SCLY: variants seen among roughly 807,000 people sequenced by gnomAD.
SCLY encodes putative selenocysteine lyase.
SCLY carries 38 observed loss-of-function variants against 50.1 expected under a neutral mutation model. The ratio of observed to expected loss-of-function variants is 0.76; its 90% confidence interval spans 0.59 to 0.99. The LOEUF (loss-of-function observed/expected upper bound fraction) is 0.99, where lower values mean the gene tolerates loss of function less well. Ranked by LOEUF, SCLY falls within the 50% of genes least tolerant of loss-of-function variation. The pLI is 0.00. For missense variants in SCLY, 600 were observed against 620.0 expected (o/e 0.97, Z 0.34); for synonymous variants, 243 against 249.4 (o/e 0.97, Z 0.24).
Position 238,098,619 on chromosome 2 carries a change from G to GGGACCGCCCGCATA in SCLY, c.*273_*274insGCATAGGACCGCCC, listed in dbSNP as rs1691328550. The GGGACCGCCCGCATA allele has an allele frequency of 2.9e-5, 6 of 208,792 alleles. 1 individual carries two copies. The highest frequency in any genetic ancestry group is 1.1e-3 in the Middle Eastern group (1 of 874). The allele number at this position is 208,792 out of a possible 1,614,324, so 12.9% of individuals were successfully genotyped here. ...ACCGCCCACATAGGACCGCCCACAT[G>GGGACCGCCCGCATA]GGACCGCCCACATGGGACCGCCCAC... On this transcript the variant is annotated 3_prime_UTR_variant, in exon 12 of 12. Transcript: ENST00000254663.
chr2:238,068,109 G>A lies in SCLY; in HGVS notation c.247G>A (p.Ala83Thr), dbSNP rs1476632784. Residue 83 changes from alanine to threonine, a missense_variant, in exon 3 of 12, where the codon GCG (alanine) becomes ACG (threonine). Physicochemically the swap from Ala to Thr is moderately conservative, Grantham distance 58 (BLOSUM62 0). Coordinates refer to ENST00000254663, the MANE Select transcript of SCLY (RefSeq NM_016510.7). ...TATAAATGCAGCTCGGGAAAGCCTCGCGAAGATGATAGGGGGGAAACCTCA... is the reference window on the plus strand; with the variant it reads ...TATAAATGCAGCTCGGGAAAGCCTCACGAAGATGATAGGGGGGAAACCTCA... Reference protein sequence around the residue: ...DIINAARESLAKMIGGKPQDI... With the variant: ...DIINAARESLTKMIGGKPQDI... 22 of 1,612,112 alleles carry A rather than the reference G, an allele frequency of 1.4e-5. No individual in the cohort carries two copies. The highest frequency in any genetic ancestry group is 4.5e-5 in the East Asian group (2 of 44,778).
chr2:238,091,553 T>TAG, intron 8 of SCLY: 21 of 338,878 alleles, frequency 6.2e-5, no homozygotes, highest in Middle Eastern at 9.0e-4. Flanking sequence ...GGTTCACCAT[T>TAG]CCCAAAGGCG....
At chr2:238,079,656 T>A (rs1347695323) in intron 4 of SCLY, 1 of 152,176 alleles carries the variant, frequency 6.6e-6, no homozygotes, top group Non-Finnish European at 1.5e-5. Flanking sequence ...TACACTGCCC[T>A]TTTTTTCCTT....
At chr2:238,061,422 A>G (rs763171323) in intron 1 of SCLY, 8 of 605,836 alleles carry the variant, frequency 1.3e-5, no homozygotes, top group African/African-American at 3.8e-5. Context: ...AGAGCCTGCC[A>G]GGAAGAGGGC....
chr2:238,093,953 A>G lies in SCLY; in HGVS notation c.1005+9A>G. The G allele has an allele frequency of 1.9e-6, 3 of 1,611,670 alleles. No individual in the cohort carries two copies. Among genetic ancestry groups the G allele is most frequent in the Non-Finnish European group, 2.5e-6 (3 of 1,178,976 alleles). On this transcript the variant is annotated intron_variant, in intron 9 of 11. Transcript: ENST00000254663. ...TGGAAGAGAGGCTGGAAGTGAGCGCAGCGTGGGGTGGGCACCAGGAGGGGG... is the reference window on the plus strand; with the variant it reads ...TGGAAGAGAGGCTGGAAGTGAGCGCGGCGTGGGGTGGGCACCAGGAGGGGG...
In SCLY at chr2:238,081,725, G is replaced by A. The variant is rs370503112; in HGVS notation, c.501G>A (p.Pro167=). The A allele has an allele frequency of 7.4e-6, 12 of 1,613,990 alleles. No individual in the cohort carries two copies. Among genetic ancestry groups the A allele is most frequent in the East Asian group, 4.5e-5 (2 of 44,894 alleles). Residue 167 remains proline, a synonymous_variant, in exon 5 of 12, where the codon CCG becomes CCA. Transcript: ENST00000254663. ...EEQVAAVTFV[P]VSKVSGQAEV... The stretch of plus-strand genomic sequence containing the variant: ...GTTTCCCAGCGGTCACCTTTGTCCC[G>A]GTGTCCAAGGTGAGCGGGCAGGCAG...
chr2:238,068,872 GA>G (rs1256162533), intron 3 of SCLY, among the ~76,000 whole-genome samples: 2 of 152,172 alleles, frequency 1.3e-5, no homozygotes, highest in Non-Finnish European at 2.9e-5. Flanking sequence ...CCAAGAACTA[GA>G]ATTGCTGGGT....
chr2:238,076,661 A>G (rs2065177528), intron 4 of SCLY, among the ~76,000 whole-genome samples: 1 of 151,002 alleles, frequency 6.6e-6, no homozygotes, highest in Non-Finnish European at 1.5e-5. Context: ...CTATTGTCCC[A>G]TGACCCTGCC....
intron 1 of SCLY, among the ~76,000 whole-genome samples, chr2:238,063,180 C>T (rs764066348): frequency 3.4e-4 from 52 of 151,074 alleles, no homozygotes; most frequent in African/African-American, 9.5e-4. Context: ...GAAAGGAAGG[C>T]GGGAAGGGGA....
intron 2 of SCLY, among the ~76,000 whole-genome samples, chr2:238,065,625 T>G (rs2065061212): frequency 6.7e-6 from 1 of 150,286 alleles, no homozygotes; most frequent in South Asian, 2.1e-4. Context: ...TTAATTATTT[T>G]CACAATATTG....
Position 238,069,472 on chromosome 2 carries a change from T to A in SCLY, c.479T>A (p.Val160Glu), listed in dbSNP as rs748230191. 1.9e-6 allele frequency: 3 copies of A among 1,611,464 alleles called. 1 individual carries two copies. In the South Asian group the frequency reaches 3.3e-5, roughly 18 times the overall value. Residue 160 changes from valine to glutamate, a missense_variant, in exon 4 of 12, where the codon GTG becomes GAG. Coordinates refer to ENST00000254663, the MANE Select transcript of SCLY (RefSeq NM_016510.7). This position sits in a 1 kb window ranked among gnomAD's most constrained non-coding sequence, Gnocchi z 5.0. ...CTGGAGCACCTGGTGGAAGAACAAGTGGCAGGTGAGTGAGTGCAGGGTGGC... is the reference window on the plus strand; with the variant it reads ...CTGGAGCACCTGGTGGAAGAACAAGAGGCAGGTGAGTGAGTGCAGGGTGGC... The part of the protein sequence containing the change: ...LPLEHLVEEQ[V>E]AAVTFVPVSK...
In SCLY at chr2:238,099,113, T is replaced by C. The variant is rs1691383147; in HGVS notation, c.*758T>C. On this transcript the variant is annotated 3_prime_UTR_variant, in exon 12 of 12. Coordinates refer to ENST00000254663, the MANE Select transcript of SCLY (RefSeq NM_016510.7). ...GGCCTTCCTGTCTTGTCCCTTTTGA[T>C]CATTATTAACTCAGGGTTTCAGCTC... 6.0e-6 allele frequency: 2 copies of C among 331,314 alleles called. No homozygotes were observed. The highest frequency in any genetic ancestry group is 6.1e-6 in the Non-Finnish European group (1 of 163,494). 20.5% of individuals were successfully genotyped at this position (331,314 alleles called of 1,614,324 possible). A position where few individuals can be genotyped will look rare whatever the true frequency, so the allele number is the denominator to read the frequency against.
intron 9 of SCLY, 41 bp downstream of exon 9, chr2:238,093,985 C>T (rs767781740): frequency 1.2e-5 from 18 of 1,562,398 alleles, no homozygotes; most frequent in African/African-American, 4.1e-5. Context: ...GGGGAGGGTG[C>T]GTGGGGCAGG....
chr2:238,093,307 C>T (rs912423035), intron 8 of SCLY: 1 of 158,554 alleles, frequency 6.3e-6, no homozygotes, highest in East Asian at 1.8e-4. Flanking sequence ...TCGCATCCCT[C>T]CCTCAGCCTC....
intron 8 of SCLY, chr2:238,091,556 C>CTT: frequency 3.7e-5 from 13 of 349,106 alleles, no homozygotes; most frequent in South Asian, 9.9e-5. Flanking sequence ...TCACCATTCC[C>CTT]AAAGGCGTCG....
At position 238,099,323 on chromosome 2, in the gene SCLY, G is replaced by A. The variant is rs1218752917; in HGVS notation, c.*968G>A. The A allele has an allele frequency of 2.1e-6, 1 of 471,596 alleles. No homozygotes were observed. The highest frequency in any genetic ancestry group is 6.9e-5 in the East Asian group (1 of 14,406). 29.2% of individuals were successfully genotyped at this position (471,596 alleles called of 1,614,324 possible). On this transcript the variant is annotated 3_prime_UTR_variant, in exon 12 of 12. Transcript: ENST00000254663. ...TTTTCAGTGGAATAACATTTTTAAT[G>A]TGTGGTTTTACGGTTCAAGGAACTA...
At chr2:238,075,807 GAACT>G (rs1407312149) in intron 4 of SCLY, among the ~76,000 whole-genome samples, 1 of 151,878 alleles carries the variant, frequency 6.6e-6, no homozygotes, top group Non-Finnish European at 1.5e-5. Flanking sequence ...TCTTTTTAAA[GAACT>G]AACTTTTGAT....
rs555458833 is a variant in SCLY, at chr2:238,094,813, G to A, written c.1108+291G>A. ...ATTAGCGCCACCCCAAAAGCCGTCA[G>A]GGAAGGAAGCAACATTAAATTCTAG... is the stretch of plus-strand genomic sequence containing the variant. On this transcript the variant is annotated intron_variant, in intron 10 of 11. Transcript: ENST00000254663. 2.8e-5 allele frequency: 11 copies of A among 399,364 alleles called. No individual in the cohort carries two copies. The East Asian group carries it at 4.3e-4, about 16-fold the overall frequency. 24.7% of individuals were successfully genotyped at this position (399,364 alleles called of 1,614,324 possible).
chr2:238,084,023 C>T (rs2065263725), intron 7 of SCLY, among the ~76,000 whole-genome samples: 1 of 152,274 alleles, frequency 6.6e-6, no homozygotes, highest in East Asian at 1.9e-4. Flanking sequence ...TTTGAGACAA[C>T]ACTTGCTTTA....
Sources: gnomAD v4.1 joint callset for allele counts (sites outside exome capture counted in the v4.1 genomes callset) on GRCh38, gnomAD v4.1.1 for gene constraint, Gnocchi (gnomAD v3.1) non-coding constraint, MANE v1.5 for transcripts, NCBI Gene and HGNC (gene_info 2026-07-23, HGNC 2026-07-21) for gene names.